ASAP2: variants seen among roughly 807,000 people sequenced by gnomAD.
ASAP2 encodes ArfGAP with SH3 domain, ankyrin repeat and PH domain 2.
Under a neutral mutation model 131.4 loss-of-function variants are expected in ASAP2, and 45 were observed. That is an observed-to-expected ratio of 0.34 (90% CI 0.27 to 0.44). The LOEUF (loss-of-function observed/expected upper bound fraction) is 0.44. ASAP2 is among the 20% of genes least tolerant of loss of function. The probability of loss-of-function intolerance (pLI) is 1.00; values close to 1 mark genes in which losing one functional copy is unlikely to be tolerated. For missense variants in ASAP2, 1,011 were observed against 1,297.0 expected (o/e 0.78, Z 3.39); for synonymous variants, 510 against 503.0 (o/e 1.01, Z -0.19).
intron 7 of ASAP2, among the ~76,000 whole-genome samples, chr2:9,333,439 A>G (rs1203894328): frequency 1.3e-5 from 2 of 152,224 alleles, no homozygotes; most frequent in Non-Finnish European, 2.9e-5. Flanking sequence ...GGCCTCTTAT[A>G]GGGGAATAAC....
Position 9,392,222 on chromosome 2 carries a change from G to T in ASAP2, c.2518+1026G>T, listed in dbSNP as rs539029825. On this transcript the variant is annotated intron_variant, in intron 23 of 27. Transcript: ENST00000281419. This position sits in a 1 kb window ranked among gnomAD's most constrained non-coding sequence, Gnocchi z 4.0. ...AAAACCTTGGGTAAAGAAGCGGGAG[G>T]AGGTTTTTAGGAAGAAGTTTTTCTC... 6.6e-6 allele frequency among the ~76,000 whole-genome samples: 1 copy of T among 152,354 alleles called. No individual in the cohort carries two copies. Among genetic ancestry groups the T allele is most frequent in the African/African-American group, 2.4e-5 (1 of 41,584 alleles).
chr2:9,320,068 C>T (rs775609628), intron 4 of ASAP2, among the ~76,000 whole-genome samples: 6 of 152,162 alleles, frequency 3.9e-5, no homozygotes, highest in Non-Finnish European at 8.8e-5. Flanking sequence ...CTTTTGTGTA[C>T]ATTTAGTATA....
intron 7 of ASAP2, among the ~76,000 whole-genome samples, chr2:9,332,590 A>G (rs962590723): frequency 1.3e-5 from 2 of 152,214 alleles, no homozygotes; most frequent in South Asian, 2.1e-4. Flanking sequence ...TACGGGGCTC[A>G]TGCTCACGCG....
At chr2:9,391,735 C>G (rs2148796756) in intron 23 of ASAP2, among the ~76,000 whole-genome samples, 1 of 144,886 alleles carries the variant, frequency 6.9e-6, no homozygotes, top group Non-Finnish European at 1.5e-5. Flanking sequence ...CCACCATGCT[C>G]AGCTATTTTT....
intron 2 of ASAP2, among the ~76,000 whole-genome samples, chr2:9,289,020 A>G (rs970158358): frequency 6.6e-5 from 10 of 152,186 alleles, no homozygotes; most frequent in South Asian, 2.1e-4. Context: ...TCCTTTCCCC[A>G]TAGAGTGCTG....
intron 3 of ASAP2, among the ~76,000 whole-genome samples, chr2:9,315,012 A>G (rs1669549590): frequency 2.6e-5 from 4 of 151,890 alleles, no homozygotes; most frequent in Non-Finnish European, 5.9e-5. Flanking sequence ...CTTAGTAGAG[A>G]AGGTGGCGTT....
Position 9,368,478 on chromosome 2 carries a change from A to G in ASAP2, c.1515A>G (p.Leu505=). The G allele has an allele frequency of 1.9e-6, 3 of 1,614,168 alleles. No individual in the cohort carries two copies. The highest frequency in any genetic ancestry group is 1.7e-5 in the Admixed American group (1 of 60,020). The change falls in exon 16 of 28, where the codon CTA becomes CTG. Residue 505 remains leucine, a synonymous_variant. Transcript: ENST00000281419. ...TTAATGAGATCATGGAATGTTGCCTACCAGCTGAGGACTCAGTCAAACCCA... is the reference window on the plus strand; with the variant it reads ...TTAATGAGATCATGGAATGTTGCCTGCCAGCTGAGGACTCAGTCAAACCCA... The part of the protein sequence containing the change: ...AGFNEIMECC[L]PAEDSVKPNP...
At chr2:9,261,848 C>A (rs1665596240) in intron 1 of ASAP2, among the ~76,000 whole-genome samples, 1 of 152,156 alleles carries the variant, frequency 6.6e-6, no homozygotes. Flanking sequence ...CCCCGGTGGC[C>A]ACTCCTACTC....
chr2:9,288,193 AC>A (rs1558298961), intron 2 of ASAP2, among the ~76,000 whole-genome samples: 2 of 152,134 alleles, frequency 1.3e-5, no homozygotes, highest in Non-Finnish European at 2.9e-5. Context: ...CGCAAACCCA[AC>A]CTACCAAGCA....
intron 3 of ASAP2, among the ~76,000 whole-genome samples, chr2:9,309,308 G>A (rs1054239547): frequency 6.6e-6 from 1 of 152,148 alleles, no homozygotes. Flanking sequence ...GTGAACTACT[G>A]GTACACGCAA....
intron 1 of ASAP2, among the ~76,000 whole-genome samples, chr2:9,277,692 A>G (rs1356382879): frequency 1.3e-5 from 2 of 152,216 alleles, no homozygotes; most frequent in Non-Finnish European, 2.9e-5. Flanking sequence ...GGTGACCCTC[A>G]GTGAACCGAC....
At chr2:9,370,305 TC>T (rs1673848366) in intron 16 of ASAP2, among the ~76,000 whole-genome samples, 2 of 152,234 alleles carry the variant, frequency 1.3e-5, no homozygotes, top group South Asian at 4.1e-4. Context: ...GTATCAGGTA[TC>T]TCAGGTGAGC....
chr2:9,264,649 C>A (rs1665816370), intron 1 of ASAP2, among the ~76,000 whole-genome samples: 1 of 152,156 alleles, frequency 6.6e-6, no homozygotes, highest in South Asian at 2.1e-4. Context: ...ACTCAGTCTC[C>A]TGTCACCGTC....
chr2:9,355,521 C>T (rs1401788085), intron 12 of ASAP2, among the ~76,000 whole-genome samples: 1 of 152,158 alleles, frequency 6.6e-6, no homozygotes, highest in Non-Finnish European at 1.5e-5. Flanking sequence ...TGTGCTGACA[C>T]CAGCAGTATG....
chr2:9,403,121 A>G, intron 27 of ASAP2, 132 bp from the exon 28 acceptor site: 2 of 701,760 alleles, frequency 2.8e-6, no homozygotes, highest in South Asian at 3.6e-5. Flanking sequence ...TGTTTTACCT[A>G]AGTAATTCCT....
At chr2:9,367,621 C>T (rs566065654) in intron 15 of ASAP2, among the ~76,000 whole-genome samples, 83 of 152,072 alleles carry the variant, frequency 5.5e-4, no homozygotes, top group African/African-American at 1.9e-3. Flanking sequence ...ATCAGCTGGG[C>T]GTGGTGGCGT....
At chr2:9,331,954 G>A (rs1326151218) in intron 7 of ASAP2, among the ~76,000 whole-genome samples, 1 of 152,062 alleles carries the variant, frequency 6.6e-6, no homozygotes, top group Non-Finnish European at 1.5e-5. Context: ...GGGTGTCACA[G>A]ACAGACCCCA....
At position 9,321,052 on chromosome 2, in the gene ASAP2, A is replaced by C. The variant is rs192971413; in HGVS notation, c.470+715A>C. Among the ~76,000 whole-genome samples the C allele has an allele frequency of 2.5e-3, 386 of 152,332 alleles. 3 individuals carry two copies. The highest frequency in any genetic ancestry group is 8.1e-3 in the African/African-American group (336 of 41,560). ...GGGGAATAATGGCTTCAATTATTTT[A>C]AATACTGGAAAGATATGAAATGTGG... On this transcript the variant is annotated intron_variant, in intron 5 of 27. Transcript: ENST00000281419.
At chr2:9,351,609 T>C (rs1013405580) in intron 12 of ASAP2, among the ~76,000 whole-genome samples, 8 of 152,198 alleles carry the variant, frequency 5.3e-5, no homozygotes, top group Non-Finnish European at 1.0e-4. Context: ...AGAGTTACAT[T>C]TGCAGAGGAC....
Sources: gnomAD v4.1 joint callset for allele counts (sites outside exome capture counted in the v4.1 genomes callset) on GRCh38, gnomAD v4.1.1 for gene constraint, Gnocchi (gnomAD v3.1) non-coding constraint, MANE v1.5 for transcripts, NCBI Gene and HGNC (gene_info 2026-07-23, HGNC 2026-07-21) for gene names.